CNTLN: variants seen among roughly 807,000 people sequenced by gnomAD.
CNTLN encodes the protein centlein, centrosomal protein.
In CNTLN, 212 loss-of-function variants were observed where a neutral mutation model predicts 180.0. The ratio of observed to expected loss-of-function variants is 1.18; its 90% CI spans 1.05 to 1.32. The LOEUF (loss-of-function observed/expected upper bound fraction) is 1.32. Ranked by LOEUF, CNTLN falls within the 40% of genes most tolerant of loss-of-function variation. The pLI is 0.00. For missense variants in CNTLN, 2,095 were observed against 1,610.9 expected (o/e 1.30, Z -5.14); for synonymous variants, 722 against 563.1 (o/e 1.28, Z -3.99).
intron 2 of CNTLN, among the ~76,000 whole-genome samples, chr9:17,221,195 A>G (rs925012386): frequency 6.6e-6 from 1 of 152,104 alleles, no homozygotes. Context: ...ATGATAAGCT[A>G]AACATTCAAG....
chr9:17,507,458 AAG>A (rs1222856868), downstream of CNTLN, among the ~76,000 whole-genome samples: 26 of 152,242 alleles, frequency 1.7e-4, no homozygotes, highest in African/African-American at 6.0e-4. Context: ...GAACATACAA[AAG>A]TAGATATCAT....
chr9:17,200,997 A>T (rs1822485627), intron 2 of CNTLN, among the ~76,000 whole-genome samples: 1 of 152,190 alleles, frequency 6.6e-6, no homozygotes, highest in South Asian at 2.1e-4. Context: ...TTATTTTGCG[A>T]TACGTTCCAT....
chr9:17,198,522 A>T, intron 2 of CNTLN, among the ~76,000 whole-genome samples: 1 of 129,132 alleles, frequency 7.7e-6, no homozygotes, highest in Admixed American at 7.8e-5. Flanking sequence ...TGTACATGGG[A>T]TTACTTTCTT....
At chr9:17,337,913 A>G (rs548529974) in intron 10 of CNTLN, among the ~76,000 whole-genome samples, 2 of 152,288 alleles carry the variant, frequency 1.3e-5, no homozygotes, top group South Asian at 4.1e-4. Flanking sequence ...AACTTTAGTC[A>G]TTCCCCAAAC....
intron 13 of CNTLN, among the ~76,000 whole-genome samples, chr9:17,377,772 A>AG (rs1824898867): frequency 6.6e-6 from 1 of 152,098 alleles, no homozygotes. Context: ...TGTTACAGAG[A>AG]GGTGTCTGAA....
At chr9:17,513,888 C>G in the CNTLN span, among the ~76,000 whole-genome samples, 1 of 152,032 alleles carries the variant, frequency 6.6e-6, no homozygotes, top group South Asian at 2.1e-4. Flanking sequence ...TGAAAACATG[C>G]AACATTAGTA....
chr9:17,367,226 C>G (rs753532987), intron 13 of CNTLN, among the ~76,000 whole-genome samples: 2 of 152,204 alleles, frequency 1.3e-5, no homozygotes, highest in Non-Finnish European at 2.9e-5. Flanking sequence ...TTGCATTGAA[C>G]TCGGTCTTGC....
chr9:17,396,559 G>A (rs1417303207), intron 15 of CNTLN, among the ~76,000 whole-genome samples: 1 of 152,040 alleles, frequency 6.6e-6, no homozygotes, highest in African/African-American at 2.4e-5. Flanking sequence ...TAGTGATTCT[G>A]TTTTAGATTT....
the CNTLN span, among the ~76,000 whole-genome samples, chr9:17,516,131 C>T: frequency 6.6e-6 from 1 of 152,192 alleles, no homozygotes; most frequent in East Asian, 1.9e-4. Context: ...TCATTCAAAC[C>T]TTTACTCAAA....
intron 1 of CNTLN, among the ~76,000 whole-genome samples, chr9:17,137,537 A>G (rs1477816729): frequency 6.6e-6 from 1 of 152,180 alleles, no homozygotes; most frequent in Non-Finnish European, 1.5e-5. Context: ...ACAAACATAT[A>G]TTTTCAGAAA....
intron 23 of CNTLN, among the ~76,000 whole-genome samples, chr9:17,470,602 T>G (rs1179866156): frequency 6.6e-6 from 1 of 151,866 alleles, no homozygotes; most frequent in Non-Finnish European, 1.5e-5. Context: ...GCATCTGGGC[T>G]GGATATATGT....
intron 16 of CNTLN, among the ~76,000 whole-genome samples, chr9:17,414,608 GT>G (rs1828088135): frequency 1.3e-5 from 2 of 152,026 alleles, no homozygotes; most frequent in African/African-American, 4.8e-5. Flanking sequence ...CATTGTTAGG[GT>G]TTTATATTTC....
intron 10 of CNTLN, among the ~76,000 whole-genome samples, chr9:17,339,846 T>C (rs933351239): frequency 6.6e-6 from 1 of 152,158 alleles, no homozygotes; most frequent in African/African-American, 2.4e-5. Flanking sequence ...TGATCTCATG[T>C]GCTATATATT....
At chr9:17,323,301 C>T (rs1820047383) in intron 8 of CNTLN, among the ~76,000 whole-genome samples, 1 of 152,194 alleles carries the variant, frequency 6.6e-6, no homozygotes, top group Non-Finnish European at 1.5e-5. Context: ...CTGCGCTTCA[C>T]ATTACACAGA....
chr9:17,266,686 G>A (rs925689415), intron 5 of CNTLN, among the ~76,000 whole-genome samples: 9 of 152,064 alleles, frequency 5.9e-5, no homozygotes, highest in African/African-American at 2.2e-4. Context: ...TCTCTTTGTA[G>A]GTTACTCAGG....
At chr9:17,481,123 G>T in intron 23 of CNTLN, among the ~76,000 whole-genome samples, 1 of 152,082 alleles carries the variant, frequency 6.6e-6, no homozygotes. Context: ...CAACTGTGGG[G>T]CACAGTCTGG....
intron 8 of CNTLN, among the ~76,000 whole-genome samples, chr9:17,320,098 T>A (rs1343504861): frequency 1.3e-5 from 2 of 152,232 alleles, no homozygotes; most frequent in Admixed American, 6.5e-5. Context: ...ACTATATTTA[T>A]CTGTGAATGA....
intron 5 of CNTLN, among the ~76,000 whole-genome samples, chr9:17,260,701 T>A (rs1339545371): frequency 6.6e-6 from 1 of 151,452 alleles, no homozygotes. Flanking sequence ...TTTAATTAGA[T>A]CCCATTTGTC....
chr9:17,338,988 A>G (rs1348810148), intron 10 of CNTLN, among the ~76,000 whole-genome samples: 2 of 152,212 alleles, frequency 1.3e-5, no homozygotes, highest in Admixed American at 1.3e-4. Context: ...TACTTCATAT[A>G]TTAAACTATC....
Sources: allele counts gnomAD v4.1 joint callset (sites outside exome capture counted in the v4.1 genomes callset), GRCh38; gene constraint gnomAD v4.1.1; transcripts MANE v1.5; gene names NCBI Gene and HGNC (gene_info 2026-07-23, HGNC 2026-07-21).